GAN: variants seen among roughly 807,000 people sequenced by gnomAD.
The protein encoded by GAN is gigaxonin, also known as epididymis secretory sperm binding protein.
GAN carries 48 observed loss-of-function variants against 71.3 expected under a neutral mutation model. The observed-to-expected ratio is 0.67, with a 90% CI of 0.53 to 0.86. The LOEUF is 0.86. Among genes scored for constraint, GAN ranks in the 40% least tolerant of loss-of-function variants. GAN has a pLI of 0.00. For missense variants in GAN, 928 were observed against 770.1 expected (o/e 1.21, Z -2.43); for synonymous variants, 386 against 276.8 (o/e 1.39, Z -3.92).
chr16:81,389,371 T>C lies in GAN; in HGVS notation c.*11775T>C, dbSNP rs968481986. On this transcript the variant is annotated 3_prime_UTR_variant, in exon 11 of 11. Transcript: ENST00000648994. ...TACCTTTTGTGAATTGTGACAACCA[T>C]CCCGTAATCATTGTGGCCTCAGCAG... 6.6e-6 allele frequency: 1 copy of C among 152,196 alleles called. No individual in the cohort carries two copies. The highest frequency in any genetic ancestry group is 1.5e-5 in the Non-Finnish European group (1 of 68,034). 9.4% of individuals were successfully genotyped at this position (152,196 alleles called of 1,614,324 possible).
At chr16:81,366,355 C>T (rs561693413) in intron 9 of GAN, among the ~76,000 whole-genome samples, 4 of 152,304 alleles carry the variant, frequency 2.6e-5, no homozygotes, top group African/African-American at 9.6e-5. Flanking sequence ...TGACAAGTGC[C>T]ACGTATGTCT....
Position 81,365,465 on chromosome 16 carries a change from G to A in GAN, c.1489G>A (p.Asp497Asn). Reference sequence around the variant, plus strand: ...AACTTGCAAGTCCGAGTTCTACCATGATGAGTTTAAAAGGTAACTAAGAAT... The same window carrying A: ...AACTTGCAAGTCCGAGTTCTACCATAATGAGTTTAAAAGGTAACTAAGAAT... ...MVTCKSEFYH[D>N]EFKRWIYLND... Residue 497 changes from aspartate to asparagine, a missense_variant, in exon 9 of 11, where the codon GAT becomes AAT. Coordinates refer to ENST00000648994, the MANE Select transcript of GAN (RefSeq NM_022041.4). 1 of 1,613,694 alleles carries A rather than the reference G, an allele frequency of 6.2e-7. No homozygotes were observed. The highest frequency in any genetic ancestry group is 8.5e-7 in the Non-Finnish European group (1 of 1,179,928).
Position 81,357,880 on chromosome 16 carries a change from G to A in GAN, c.922G>A (p.Glu308Lys), listed in dbSNP as rs1192845121. The A allele has an allele frequency of 1.9e-6, 3 of 1,613,734 alleles. No individual in the cohort carries two copies. Among genetic ancestry groups the A allele is most frequent in the Non-Finnish European group, 1.7e-6 (2 of 1,179,710 alleles). The change falls in exon 5 of 11, where the codon GAA becomes AAA. Residue 308 changes from glutamate (E) to lysine (K), a missense_variant. By Grantham distance (56) the Glu-to-Lys change is moderately conservative. Transcript: ENST00000648994. ...LYDPNRQLWI[E>K]LAPLSMPRIN... is the part of the protein sequence containing the mutation. ...TGACCCTAACAGGCAGCTTTGGATC[G>A]AACTGGCCCCTTTAAGCATGCCGAG... is the stretch of plus-strand genomic sequence containing the variant.
chr16:81,387,230 CGTTGCT>C lies in GAN; in HGVS notation c.*9635_*9640del, dbSNP rs1212635639. Reference sequence around the variant, plus strand: ...TCTTACGTCTCGGTTCAAGAAAGCACGTTGCTATATGAAATTTCAGAAAAAAGTTTT... The same window carrying C: ...TCTTACGTCTCGGTTCAAGAAAGCACATATGAAATTTCAGAAAAAAGTTTT... On this transcript the variant is annotated 3_prime_UTR_variant, in exon 11 of 11. Coordinates refer to ENST00000648994, the MANE Select transcript of GAN (RefSeq NM_022041.4). The C allele has an allele frequency of 2.6e-5, 4 of 152,070 alleles. No homozygotes were observed. The highest frequency in any genetic ancestry group is 5.9e-5 in the Non-Finnish European group (4 of 68,024). 9.4% of individuals were successfully genotyped at this position (152,070 alleles called of 1,614,324 possible). A position where few individuals can be genotyped will look rare whatever the true frequency, so the allele number is the denominator to read the frequency against.
At chr16:81,328,928 A>G (rs2150670858) in intron 1 of GAN, among the ~76,000 whole-genome samples, 1 of 152,304 alleles carries the variant, frequency 6.6e-6, no homozygotes, top group Admixed American at 6.5e-5. Flanking sequence ...TATAACAACC[A>G]TTTCTATCTC....
chr16:81,335,173 A>G (rs551466574), intron 1 of GAN, among the ~76,000 whole-genome samples: 2 of 151,336 alleles, frequency 1.3e-5, no homozygotes, highest in East Asian at 3.9e-4. Context: ...TGTTCCAGGC[A>G]GGGAGGAGGT....
Position 81,385,479 on chromosome 16 carries a change from C to T in GAN, c.*7883C>T, listed in dbSNP as rs1255101637. ...TGGGAAGCTCTTAAGGCTCCCAAGG[C>T]TCCGTTTCTTATGTGGAAGAAGAAT... On this transcript the variant is annotated 3_prime_UTR_variant, in exon 11 of 11. Coordinates refer to ENST00000648994, the MANE Select transcript of GAN (RefSeq NM_022041.4). The T allele has an allele frequency of 6.6e-6, 1 of 152,168 alleles. No homozygotes were observed. Among genetic ancestry groups the T allele is most frequent in the African/African-American group, 2.4e-5 (1 of 41,432 alleles). 9.4% of individuals were successfully genotyped at this position (152,168 alleles called of 1,614,324 possible).
At position 81,384,607 on chromosome 16, in the gene GAN, C is replaced by T. The variant is rs1048582348; in HGVS notation, c.*7011C>T. 1.3e-5 allele frequency: 2 copies of T among 152,080 alleles called. No individual in the cohort carries two copies. Among genetic ancestry groups the T allele is most frequent in the Admixed American group, 6.6e-5 (1 of 15,248 alleles). The allele number at this position is 152,080 out of a possible 1,614,324, so 9.4% of individuals were successfully genotyped here. On this transcript the variant is annotated 3_prime_UTR_variant, in exon 11 of 11. Coordinates refer to ENST00000648994, the MANE Select transcript of GAN (RefSeq NM_022041.4). ...CATTTCTTATAAGGTGCTATTGTTT[C>T]CCAGAAATCTTTAATTTTGATGAAA...
chr16:81,320,471 A>G (rs916420368), intron 1 of GAN, among the ~76,000 whole-genome samples: 7 of 152,234 alleles, frequency 4.6e-5, no homozygotes, highest in African/African-American at 1.7e-4. Flanking sequence ...GTTCCCTGGT[A>G]ATGAGAGTCT....
intron 6 of GAN, 34 bp from the exon 7 acceptor site, chr16:81,363,760 C>G: frequency 1.2e-6 from 2 of 1,605,372 alleles, no homozygotes; most frequent in Non-Finnish European, 1.7e-6. Flanking sequence ...GATCATTGGC[C>G]TTGTGTGTTC....
rs1206672859 is a variant in GAN, at chr16:81,378,978, A to G, written c.*1382A>G. 4 of 152,206 alleles carry G rather than the reference A, an allele frequency of 2.6e-5. No homozygotes were observed. The highest frequency in any genetic ancestry group is 4.4e-5 in the Non-Finnish European group (3 of 68,034). The allele number at this position is 152,206 out of a possible 1,614,324, so 9.4% of individuals were successfully genotyped here. On this transcript the variant is annotated 3_prime_UTR_variant, in exon 11 of 11. Transcript: ENST00000648994. ...TCCTTCCTAAATTGAATTTTATGCAATGTCAAATTTCTAATCAATTTAATA... is the reference window on the plus strand; with the variant it reads ...TCCTTCCTAAATTGAATTTTATGCAGTGTCAAATTTCTAATCAATTTAATA...
chr16:81,358,904 A>T (rs985620100), intron 5 of GAN, among the ~76,000 whole-genome samples: 1 of 152,140 alleles, frequency 6.6e-6, no homozygotes, highest in African/African-American at 2.4e-5. Flanking sequence ...GTCCTTATTT[A>T]ATTGTGTTTG....
rs1480198542 is a variant in GAN, at chr16:81,390,245, A to G, written c.*12649A>G. ...CCCAAGTTCAGTAGGATAGTAGAGAAGTCGTGCTAAGTTGATTTCATTGAA... is the reference window on the plus strand; with the variant it reads ...CCCAAGTTCAGTAGGATAGTAGAGAGGTCGTGCTAAGTTGATTTCATTGAA... On this transcript the variant is annotated 3_prime_UTR_variant, in exon 11 of 11. Transcript: ENST00000648994. The G allele has an allele frequency of 6.6e-6, 1 of 152,230 alleles. No individual in the cohort carries two copies. The highest frequency in any genetic ancestry group is 1.5e-5 in the Non-Finnish European group (1 of 68,044). 9.4% of individuals were successfully genotyped at this position (152,230 alleles called of 1,614,324 possible).
chr16:81,351,722 A>G (rs1301934689), intron 2 of GAN, 25 bp downstream of exon 2: 4 of 1,038,486 alleles, frequency 3.9e-6, no homozygotes, highest in African/African-American at 1.6e-5. Context: ...AAAGGAAGGA[A>G]GACCTAAGTA....
rs141205582 is a variant in GAN, at chr16:81,366,357, C to T, written c.1502+879C>T. ...TTCTTAAAACCTCTGACAAGTGCCA[C>T]GTATGTCTTGTAGGGTAGATAACAT... On this transcript the variant is annotated intron_variant, in intron 9 of 10. Coordinates refer to ENST00000648994, the MANE Select transcript of GAN (RefSeq NM_022041.4). 4.1e-3 allele frequency among the ~76,000 whole-genome samples: 620 copies of T among 152,306 alleles called. 1 individual carries two copies. The highest frequency in any genetic ancestry group is 6.2e-3 in the Non-Finnish European group (423 of 68,026).
At chr16:81,320,885 A>G (rs2150666709) in intron 1 of GAN, among the ~76,000 whole-genome samples, 2 of 152,242 alleles carry the variant, frequency 1.3e-5, no homozygotes, top group East Asian at 3.9e-4. Context: ...TTGATAGTTT[A>G]ATGGTTCTCA....
At position 81,339,739 on chromosome 16, in the gene GAN, G is replaced by C. The variant is rs1031063914; in HGVS notation, c.168-11844G>C. Among the ~76,000 whole-genome samples, 12 of 152,304 alleles carry C rather than the reference G, an allele frequency of 7.9e-5. No homozygotes were observed. The East Asian group carries it at 2.1e-3, about 27-fold the overall frequency. On this transcript the variant is annotated intron_variant, in intron 1 of 10. Coordinates refer to ENST00000648994, the MANE Select transcript of GAN (RefSeq NM_022041.4). ...GGTGCAGCTTGTGGCAGGATGGAGT[G>C]ATCTAGGAAAAATCTGTAGAACAGC...
At chr16:81,353,014 G>A (rs887623962) in intron 2 of GAN, among the ~76,000 whole-genome samples, 2 of 152,332 alleles carry the variant, frequency 1.3e-5, no homozygotes, top group Middle Eastern at 3.4e-3. Flanking sequence ...AGTTGGGGCC[G>A]GGCGCGGTGG....
chr16:81,328,613 G>A (rs1438842866), intron 1 of GAN, among the ~76,000 whole-genome samples: 2 of 149,598 alleles, frequency 1.3e-5, no homozygotes, highest in African/African-American at 2.5e-5. Context: ...CAGGAAAACT[G>A]TCTTATCATA....
Sources: gnomAD v4.1 joint callset for allele counts (sites outside exome capture counted in the v4.1 genomes callset) on GRCh38, gnomAD v4.1.1 for gene constraint, MANE v1.5 for transcripts, NCBI Gene and HGNC (gene_info 2026-07-23, HGNC 2026-07-21) for gene names.